Variants in RGS7BP observed in about 807,000 individuals in gnomAD.
RGS7BP encodes regulator of G protein signaling 7 binding protein.
RGS7BP carries 9 observed loss-of-function variants against 31.3 expected under a neutral mutation model. That is an observed-to-expected ratio of 0.29 (90% CI 0.17 to 0.50). The LOEUF (loss-of-function observed/expected upper bound fraction) is 0.50. Among genes scored for constraint, RGS7BP ranks in the 20% least tolerant of loss-of-function variants. The pLI, the probability that RGS7BP is intolerant of heterozygous loss-of-function variation, is 0.98. For missense variants in RGS7BP, 274 were observed against 322.0 expected, an observed-to-expected ratio of 0.85 and a Z score of 1.14; for synonymous variants, 115 against 120.1, an observed-to-expected ratio of 0.96 and a Z score of 0.28.
chr5:64,542,856 T>C (rs1741559487), intron 2 of RGS7BP, among the ~76,000 whole-genome samples: 1 of 152,218 alleles, frequency 6.6e-6, no homozygotes, highest in African/African-American at 2.4e-5. Context: ...ACATGATGCT[T>C]GTCTCTTTTA....
intron 2 of RGS7BP, among the ~76,000 whole-genome samples, chr5:64,536,167 A>C (rs1741349441): frequency 6.6e-6 from 1 of 152,210 alleles, no homozygotes; most frequent in Non-Finnish European, 1.5e-5. Flanking sequence ...GACAAAAAGT[A>C]GCTCATGATA....
intron 2 of RGS7BP, among the ~76,000 whole-genome samples, chr5:64,530,629 G>T (rs546545747): frequency 1.3e-5 from 2 of 152,266 alleles, no homozygotes; most frequent in African/African-American, 4.8e-5. Flanking sequence ...TACAAATCAT[G>T]TCTAAATGTG....
intron 2 of RGS7BP, among the ~76,000 whole-genome samples, chr5:64,566,240 G>C (rs1053681267): frequency 6.6e-6 from 1 of 151,764 alleles, no homozygotes; most frequent in African/African-American, 2.4e-5. Context: ...GCTGTTGACA[G>C]CTGATGTGAT....
chr5:64,597,127 CT>C (rs1425321393), intron 4 of RGS7BP, among the ~76,000 whole-genome samples: 1 of 152,130 alleles, frequency 6.6e-6, no homozygotes, highest in African/African-American at 2.4e-5. Context: ...AAATCTGCCC[CT>C]ATGTCCTGGG....
rs79143038 is a variant in RGS7BP at position 64,585,930 on chromosome 5, A to G, written c.464-8780A>G. On this transcript the variant is annotated intron_variant, in intron 3 of 5. Coordinates refer to ENST00000334025, the MANE Select transcript of RGS7BP (RefSeq NM_001029875.3). ...AAGGGTTCTCTTCCTCCCCTACCCC[A>G]TCCCCTCCTGAGCAAATATTTGTTC... Among the ~76,000 whole-genome samples the G allele has an allele frequency of 8.9e-4, 136 of 152,188 alleles. 2 individuals are homozygous for G. The East Asian group carries it at 0.024, about 27-fold the overall frequency.
intron 2 of RGS7BP, among the ~76,000 whole-genome samples, chr5:64,516,674 C>T (rs1434391232): frequency 6.6e-6 from 1 of 152,134 alleles, no homozygotes; most frequent in Non-Finnish European, 1.5e-5. Flanking sequence ...GAACCAAAAC[C>T]TCTGGGGAGG....
chr5:64,584,689 C>T (rs545016547), intron 3 of RGS7BP, among the ~76,000 whole-genome samples: 3 of 152,322 alleles, frequency 2.0e-5, no homozygotes, highest in East Asian at 1.9e-4. Context: ...ACAAGGAGCA[C>T]AGAAGAGGCC....
intron 2 of RGS7BP, among the ~76,000 whole-genome samples, chr5:64,510,575 T>A (rs554511567): frequency 2.0e-5 from 3 of 152,252 alleles, no homozygotes; most frequent in South Asian, 2.1e-4. Context: ...GCTCGAGAAA[T>A]CTTTTTGGGA....
intron 2 of RGS7BP, among the ~76,000 whole-genome samples, chr5:64,522,116 C>G (rs187450021): frequency 3.3e-4 from 51 of 152,286 alleles, no homozygotes; most frequent in African/African-American, 1.2e-3. Flanking sequence ...CTCAAGTGAG[C>G]TAGGTGAGGC....
rs370356196 is a variant in RGS7BP, at chr5:64,580,121, G to A, written c.463+4217G>A. Among the ~76,000 whole-genome samples the A allele has an allele frequency of 2.4e-4, 37 of 152,242 alleles. 1 individual carries two copies. In the East Asian group the frequency reaches 3.3e-3, roughly 13 times the overall value. On this transcript the variant is annotated intron_variant, in intron 3 of 5. Coordinates refer to ENST00000334025, the MANE Select transcript of RGS7BP (RefSeq NM_001029875.3). ...CATGAATAGCCAGAAATGAGTTGAG[G>A]AAGAGATAGGTCCATAGACCACAAC...
chr5:64,508,144 G>A (rs750979079), intron 2 of RGS7BP, among the ~76,000 whole-genome samples: 1 of 152,138 alleles, frequency 6.6e-6, no homozygotes, highest in Non-Finnish European at 1.5e-5. Context: ...GCCACATTCT[G>A]GAATTTGGAG....
chr5:64,526,297 G>A (rs559497354), intron 2 of RGS7BP, among the ~76,000 whole-genome samples: 2 of 152,148 alleles, frequency 1.3e-5, no homozygotes, highest in Admixed American at 6.5e-5. Context: ...TGGCTTGTTG[G>A]AAAACTGGGC....
chr5:64,554,718 C>G (rs1162501762), intron 2 of RGS7BP, among the ~76,000 whole-genome samples: 1 of 152,094 alleles, frequency 6.6e-6, no homozygotes, highest in Non-Finnish European at 1.5e-5. Flanking sequence ...AAGTCAACAG[C>G]AGGATTTAAT....
intron 3 of RGS7BP, among the ~76,000 whole-genome samples, chr5:64,591,712 C>T (rs753937623): frequency 4.6e-5 from 7 of 152,072 alleles, no homozygotes; most frequent in African/African-American, 1.4e-4. Flanking sequence ...GGAATACTGC[C>T]CATCCATTAG....
Position 64,575,895 on chromosome 5 carries a change from C to A in RGS7BP, c.454C>A (p.His152Asn). 6.2e-7 allele frequency: 1 copy of A among 1,607,324 alleles called. No homozygotes were observed. Among genetic ancestry groups the A allele is most frequent in the Non-Finnish European group, 8.5e-7 (1 of 1,177,550 alleles). The change falls in exon 3 of 6, where the codon CAT (histidine) becomes AAT (asparagine). Residue 152 changes from histidine (H) to asparagine (N), a missense_variant. Physicochemically the swap from His to Asn is moderately conservative, Grantham distance 68 (BLOSUM62 1). This residue lies in a region of RGS7BP where 112 missense variants were observed against 130.9 expected (regional missense o/e 0.86). Coordinates refer to ENST00000334025, the MANE Select transcript of RGS7BP (RefSeq NM_001029875.3). ...SICLLGSLQFHRKGKEPGGGT... is the reference protein window; with the variant it reads ...SICLLGSLQFNRKGKEPGGGT... ...ATGTCTGCTGGGGTCTCTTCAGTTT[C>A]ATCGAAAAGGTATCTACATTTAATA... is the stretch of plus-strand genomic sequence containing the variant.
At chr5:64,542,670 C>T (rs181893889) in intron 2 of RGS7BP, among the ~76,000 whole-genome samples, 56 of 152,284 alleles carry the variant, frequency 3.7e-4, no homozygotes, top group Non-Finnish European at 5.7e-4. Context: ...CTGCTGTTAA[C>T]CCTTTGTGTT....
chr5:64,556,567 T>C (rs953390015), intron 2 of RGS7BP, among the ~76,000 whole-genome samples: 14 of 152,016 alleles, frequency 9.2e-5, no homozygotes, highest in Admixed American at 8.5e-4. Context: ...TAGTGATATT[T>C]GGGGAAATTT....
At chr5:64,540,139 A>G (rs1327977176) in intron 2 of RGS7BP, among the ~76,000 whole-genome samples, 1 of 152,166 alleles carries the variant, frequency 6.6e-6, no homozygotes, top group Non-Finnish European at 1.5e-5. Flanking sequence ...TTGATTTTTA[A>G]ATTCCTTTAT....
intron 2 of RGS7BP, among the ~76,000 whole-genome samples, chr5:64,516,569 T>C (rs1044035330): frequency 5.9e-5 from 9 of 152,246 alleles, no homozygotes; most frequent in African/African-American, 2.2e-4. Flanking sequence ...TTAAAACTTC[T>C]AAAGATTTCC....
Sources: allele counts gnomAD v4.1 joint callset (sites outside exome capture counted in the v4.1 genomes callset), GRCh38; gene constraint gnomAD v4.1.1; regional missense constraint gnomAD v4.1.1; transcripts MANE v1.5; gene names NCBI Gene and HGNC (gene_info 2026-07-23, HGNC 2026-07-21).